The following TENM3 variants were observed in gnomAD, a reference collection of about 807,000 sequenced individuals.
TENM3 encodes teneurin transmembrane protein 3.
TENM3 carries 63 observed loss-of-function variants against 255.1 expected under a neutral mutation model. The observed-to-expected ratio is 0.25, with a 90% CI of 0.20 to 0.30. TENM3 has a LOEUF of 0.30. Ranked by LOEUF, TENM3 falls within the 10% of genes least tolerant of loss-of-function variation. TENM3 has a pLI of 1.00. For missense variants in TENM3, 2,929 were observed against 3,461.1 expected (o/e 0.85, Z 3.86); for synonymous variants, 1,306 against 1,322.3 (o/e 0.99, Z 0.27).
At chr4:181,817,748 T>C in the TENM3 span, among the ~76,000 whole-genome samples, 1 of 152,196 alleles carries the variant, frequency 6.6e-6, no homozygotes, top group Non-Finnish European at 1.5e-5. Context: ...AGGTGCCATC[T>C]TGGAAGCAGA....
chr4:182,610,780 G>C (rs2152430783), intron 4 of TENM3, among the ~76,000 whole-genome samples: 1 of 137,620 alleles, frequency 7.3e-6, no homozygotes, highest in East Asian at 2.1e-4. Context: ...GTCTTACTCT[G>C]TTTCTCAGGC....
chr4:182,382,875 G>A lies in TENM3; in HGVS notation c.511+35946G>A, dbSNP rs199540756. ...TGATGCCAGACTCTGGTGGTTCCTCGACCCATGATGTTCAGGCTGATCACC... is the reference window on the plus strand; with the variant it reads ...TGATGCCAGACTCTGGTGGTTCCTCAACCCATGATGTTCAGGCTGATCACC... On this transcript the variant is annotated intron_variant, in intron 3 of 27. Coordinates refer to ENST00000511685, the MANE Select transcript of TENM3 (RefSeq NM_001080477.4). 5.9e-5 allele frequency among the ~76,000 whole-genome samples: 9 copies of A among 152,236 alleles called. No homozygotes were observed. The East Asian group carries it at 1.5e-3, about 26-fold the overall frequency.
intron 3 of TENM3, among the ~76,000 whole-genome samples, chr4:182,481,002 GTTTTC>G (rs1041325749): frequency 7.9e-5 from 12 of 151,872 alleles, no homozygotes; most frequent in Non-Finnish European, 8.8e-5. Flanking sequence ...TTGAAGAGTC[GTTTTC>G]TTTTCTTTCT....
the TENM3 span, among the ~76,000 whole-genome samples, chr4:181,801,806 C>T: frequency 1.3e-5 from 2 of 151,582 alleles, no homozygotes; most frequent in Admixed American, 6.6e-5. Context: ...TTGTCATTTT[C>T]ACTTCCTATT....
the TENM3 span, among the ~76,000 whole-genome samples, chr4:181,962,361 G>A: frequency 2.6e-5 from 4 of 152,174 alleles, no homozygotes; most frequent in Non-Finnish European, 4.4e-5. Flanking sequence ...TCGGATCTCT[G>A]TGCTTTTTCT....
intron 23 of TENM3, 63 bp from the exon 24 acceptor site, chr4:182,774,855 C>A: frequency 8.2e-7 from 1 of 1,224,108 alleles, no homozygotes; most frequent in Admixed American, 2.1e-5. Flanking sequence ...TATCTCACGG[C>A]ACAACCGGCC....
At chr4:181,766,198 C>T in the TENM3 span, among the ~76,000 whole-genome samples, 1 of 152,160 alleles carries the variant, frequency 6.6e-6, no homozygotes, top group East Asian at 1.9e-4. Flanking sequence ...GAGGATAAGA[C>T]CAGCAACTGG....
the TENM3 span, among the ~76,000 whole-genome samples, chr4:181,648,802 A>G: frequency 2.0e-5 from 3 of 152,274 alleles, no homozygotes; most frequent in South Asian, 6.2e-4. Context: ...TTACCAGCAA[A>G]GATGCCTGAG....
intron 1 of TENM3, among the ~76,000 whole-genome samples, chr4:182,230,836 A>ATG (rs1296821039): frequency 4.4e-5 from 5 of 112,964 alleles, no homozygotes; most frequent in African/African-American, 1.2e-4. Context: ...ATATATATAT[A>ATG]TATATATATA....
In TENM3 at chr4:182,161,851, A is replaced by AT. The variant is rs1561153917; in HGVS notation, c.-76+17097_-76+17098insT. On this transcript the variant is annotated intron_variant, in intron 1 of 2. Transcript: ENST00000512480. Reference sequence around the variant, plus strand: ...CACATATATATGTGTATATATACACAAATATATATGTGTATATATGTGTAT... The same window carrying AT: ...CACATATATATGTGTATATATACACATAATATATATGTGTATATATGTGTAT... Among the ~76,000 whole-genome samples, 7 of 15,642 alleles carry AT rather than the reference A, an allele frequency of 4.5e-4. 1 individual carries two copies. The highest frequency in any genetic ancestry group is 1.6e-3 in the South Asian group (1 of 638). 10.3% of individuals were successfully genotyped at this position (15,642 alleles called of 152,430 possible).
At chr4:182,428,336 G>A (rs1771383540) in intron 3 of TENM3, among the ~76,000 whole-genome samples, 1 of 152,090 alleles carries the variant, frequency 6.6e-6, no homozygotes. Context: ...TTCACTCAAG[G>A]AAGTGAGAGA....
intron 1 of TENM3, among the ~76,000 whole-genome samples, chr4:182,297,997 C>T (rs962028090): frequency 6.6e-6 from 1 of 152,218 alleles, no homozygotes; most frequent in Non-Finnish European, 1.5e-5. Context: ...CTTGGTCACT[C>T]ACTGCACTTC....
chr4:182,511,792 C>A (rs550248303), intron 3 of TENM3, among the ~76,000 whole-genome samples: 176 of 152,200 alleles, frequency 1.2e-3, no homozygotes, highest in African/African-American at 4.1e-3. Flanking sequence ...AAATAAATGA[C>A]ATATGACCTC....
At chr4:182,167,044 G>T (rs1026516711) in intron 1 of TENM3, among the ~76,000 whole-genome samples, 1 of 152,152 alleles carries the variant, frequency 6.6e-6, no homozygotes, top group Non-Finnish European at 1.5e-5. Flanking sequence ...GTGGGTTTTG[G>T]TGTGCTCTAT....
At chr4:182,618,106 A>G (rs1332419289) in intron 4 of TENM3, among the ~76,000 whole-genome samples, 1 of 152,198 alleles carries the variant, frequency 6.6e-6, no homozygotes, top group South Asian at 2.1e-4. Context: ...TATGAAGATA[A>G]CTGCTTATGA....
chr4:181,809,544 C>A, the TENM3 span, among the ~76,000 whole-genome samples: 1 of 152,126 alleles, frequency 6.6e-6, no homozygotes, highest in African/African-American at 2.4e-5. Context: ...CATTATCCAC[C>A]AATTAGCTTC....
chr4:181,673,386 T>G, the TENM3 span, among the ~76,000 whole-genome samples: 2,306 of 152,276 alleles, frequency 0.015, 66 homozygotes, highest in African/African-American at 0.053. Context: ...TGCCTTTGAT[T>G]AAAAAACCTG....
At chr4:182,610,262 A>G (rs1748865294) in intron 4 of TENM3, among the ~76,000 whole-genome samples, 1 of 152,264 alleles carries the variant, frequency 6.6e-6, no homozygotes, top group Non-Finnish European at 1.5e-5. Context: ...TCATTCATTT[A>G]TGCAGGAAAT....
chr4:181,702,850 T>C, the TENM3 span, among the ~76,000 whole-genome samples: 1 of 152,206 alleles, frequency 6.6e-6, no homozygotes, highest in Non-Finnish European at 1.5e-5. Flanking sequence ...TTTTTAAACA[T>C]TGGTCATTTT....
Sources: allele counts gnomAD v4.1 joint callset (sites outside exome capture counted in the v4.1 genomes callset), GRCh38; gene constraint gnomAD v4.1.1; transcripts MANE v1.5; gene names NCBI Gene and HGNC (gene_info 2026-07-23, HGNC 2026-07-21).